The following SCHIP1 variants were observed in gnomAD, a reference collection of about 807,000 sequenced individuals.
The protein encoded by SCHIP1 is schwannomin-interacting protein 1.
SCHIP1 carries 8 observed loss-of-function variants against 29.7 expected under a neutral mutation model. That is an observed-to-expected ratio of 0.27 (90% CI 0.16 to 0.49). The LOEUF is 0.49. Among genes scored for constraint, SCHIP1 ranks in the 20% least tolerant of loss-of-function variants. The probability of loss-of-function intolerance (pLI) is 0.99; values close to 1 mark genes in which losing one functional copy is unlikely to be tolerated. For synonymous variants in SCHIP1, 76 were observed against 94.9 expected, an observed-to-expected ratio of 0.80 and a Z score of 1.16; for missense variants, 193 against 294.6, an observed-to-expected ratio of 0.66 and a Z score of 2.52.
chr3:159,340,649 C>T, the SCHIP1 span, among the ~76,000 whole-genome samples: 1 of 152,184 alleles, frequency 6.6e-6, no homozygotes, highest in Non-Finnish European at 1.5e-5. Context: ...CTAAATCTTT[C>T]AGCATTTTTA....
the SCHIP1 span, among the ~76,000 whole-genome samples, chr3:159,380,630 A>T: frequency 2.0e-5 from 3 of 152,166 alleles, no homozygotes; most frequent in African/African-American, 7.2e-5. Context: ...TTATAATAAT[A>T]TCTCTATTTG....
chr3:159,450,807 C>CTTT, the SCHIP1 span, among the ~76,000 whole-genome samples: 11 of 123,058 alleles, frequency 8.9e-5, no homozygotes, highest in Non-Finnish European at 1.2e-4. Context: ...ATTTAGTATT[C>CTTT]TTTTTTTTTT....
the SCHIP1 span, among the ~76,000 whole-genome samples, chr3:159,336,285 T>G: frequency 2.7e-3 from 408 of 152,224 alleles, 1 homozygote; most frequent in Non-Finnish European, 4.3e-3. Context: ...TTTCTCCCAT[T>G]CTGTAGGTCG....
chr3:159,349,117 T>C, the SCHIP1 span, among the ~76,000 whole-genome samples: 7 of 152,326 alleles, frequency 4.6e-5, no homozygotes, highest in East Asian at 5.8e-4. Context: ...AATGCCATCT[T>C]TTTTAGTGCA....
At chr3:159,694,576 GAAA>G in the SCHIP1 span, among the ~76,000 whole-genome samples, 1 of 149,250 alleles carries the variant, frequency 6.7e-6, no homozygotes, top group Non-Finnish European at 1.5e-5. Context: ...AAGAAAGAAA[GAAA>G]GAAAGAAAGA....
chr3:159,642,415 C>T, the SCHIP1 span, among the ~76,000 whole-genome samples: 1 of 152,062 alleles, frequency 6.6e-6, no homozygotes, highest in African/African-American at 2.4e-5. Flanking sequence ...AATGTGACTC[C>T]TTATTCACAT....
At chr3:159,398,233 C>T in the SCHIP1 span, among the ~76,000 whole-genome samples, 1 of 152,138 alleles carries the variant, frequency 6.6e-6, no homozygotes, top group Non-Finnish European at 1.5e-5. Context: ...TCTGGCACTC[C>T]CTAGTGAGAT....
the SCHIP1 span, among the ~76,000 whole-genome samples, chr3:159,519,621 T>C: frequency 1.3e-5 from 2 of 152,182 alleles, no homozygotes; most frequent in African/African-American, 4.8e-5. Flanking sequence ...AAATTATTTT[T>C]GTGGTAAACA....
the SCHIP1 span, among the ~76,000 whole-genome samples, chr3:159,784,271 G>C: frequency 6.6e-6 from 1 of 152,212 alleles, no homozygotes; most frequent in African/African-American, 2.4e-5. Flanking sequence ...GTCTACACCT[G>C]TTCATCTGGT....
the SCHIP1 span, among the ~76,000 whole-genome samples, chr3:159,390,752 C>A: frequency 6.6e-6 from 1 of 152,076 alleles, no homozygotes; most frequent in African/African-American, 2.4e-5. Flanking sequence ...TGTGGGTTAT[C>A]AACATTGGTA....
chr3:159,701,254 T>C, the SCHIP1 span, among the ~76,000 whole-genome samples: 448 of 152,332 alleles, frequency 2.9e-3, 5 homozygotes, highest in African/African-American at 0.01. Flanking sequence ...ATTATGAGTG[T>C]ATGTGCATCC....
chr3:159,692,547 T>G, the SCHIP1 span, among the ~76,000 whole-genome samples: 1 of 152,242 alleles, frequency 6.6e-6, no homozygotes, highest in Non-Finnish European at 1.5e-5. Context: ...CTTCATGAAG[T>G]TCTTGTGCTG....
chr3:159,549,661 A>G, the SCHIP1 span, among the ~76,000 whole-genome samples: 1 of 152,146 alleles, frequency 6.6e-6, no homozygotes. Flanking sequence ...CAGAACTGTG[A>G]GAAAATTAAT....
chr3:159,834,163 A>G, the SCHIP1 span, among the ~76,000 whole-genome samples: 1 of 152,188 alleles, frequency 6.6e-6, no homozygotes, highest in Admixed American at 6.5e-5. Flanking sequence ...AATTGTTTCA[A>G]AGTATTTATT....
the SCHIP1 span, among the ~76,000 whole-genome samples, chr3:159,429,136 G>A: frequency 6.7e-6 from 1 of 150,276 alleles, no homozygotes; most frequent in South Asian, 2.1e-4. Flanking sequence ...CATGGCACAT[G>A]TATACATATG....
exon 7 of SCHIP1, chr3:159,896,767 C>T: frequency 6.2e-7 from 1 of 1,606,140 alleles, no homozygotes; most frequent in South Asian, 1.1e-5. Flanking sequence ...AAAATGCCTG[C>T]AAAGTGAAAA....
chr3:159,631,692 C>T, the SCHIP1 span, among the ~76,000 whole-genome samples: 26,192 of 152,000 alleles, frequency 0.17, 6,419 homozygotes, highest in African/African-American at 0.55. Context: ...AGGGAGTTAT[C>T]GCTTAATAGT....
At chr3:159,821,835 T>C in the SCHIP1 span, among the ~76,000 whole-genome samples, 1 of 152,174 alleles carries the variant, frequency 6.6e-6, no homozygotes, top group Non-Finnish European at 1.5e-5. Context: ...GGGGCCGTTA[T>C]TAGGTAAAAT....
At chr3:159,517,678 G>A in the SCHIP1 span, among the ~76,000 whole-genome samples, 4 of 151,780 alleles carry the variant, frequency 2.6e-5, no homozygotes, top group South Asian at 4.1e-4. Flanking sequence ...GTGTATGTGT[G>A]TACATAATAT....
Sources: gnomAD v4.1 joint callset for allele counts (sites outside exome capture counted in the v4.1 genomes callset) on GRCh38, gnomAD v4.1.1 for gene constraint, MANE v1.5 for transcripts, NCBI Gene and HGNC (gene_info 2026-07-23, HGNC 2026-07-21) for gene names.